The following SLC15A3 variants were observed in gnomAD, a reference collection of about 807,000 sequenced individuals.
SLC15A3 encodes the protein osteoclast transporter.
A neutral mutation model predicts 49.2 loss-of-function variants in SLC15A3; 39 were observed. That is an observed-to-expected ratio of 0.79 (90% CI 0.61 to 1.04). SLC15A3 has a LOEUF of 1.04. SLC15A3 is among the 50% of genes least tolerant of loss of function. The pLI is 0.00. For synonymous variants in SLC15A3, 339 were observed against 367.0 expected, an observed-to-expected ratio of 0.92 and a Z score of 0.87; for missense variants, 758 against 794.8, an observed-to-expected ratio of 0.95 and a Z score of 0.56.
At chr11:60,938,307 T>G (rs1353623159) in intron 6 of SLC15A3, among the ~76,000 whole-genome samples, 2 of 152,136 alleles carry the variant, frequency 1.3e-5, no homozygotes, top group Admixed American at 6.5e-5. Context: ...GTCTATCATT[T>G]CAGTGACAGC....
intron 7 of SLC15A3, 175 bp from the exon 8 acceptor site, chr11:60,937,548 G>A (rs544179958): frequency 1.2e-4 from 99 of 841,842 alleles, no homozygotes; most frequent in Non-Finnish European, 1.9e-4. Context: ...CTCCAGGGGT[G>A]TCTACAATTC....
chr11:60,941,630 A>G (rs1856709869), intron 4 of SLC15A3: 1 of 335,834 alleles, frequency 3.0e-6, no homozygotes, highest in South Asian at 5.1e-5. Context: ...AGCTCTGCAG[A>G]TCATTCATTT....
intron 5 of SLC15A3, 86 bp downstream of exon 5, chr11:60,941,036 G>C (rs1041618292): frequency 6.9e-7 from 1 of 1,456,196 alleles, no homozygotes; most frequent in Non-Finnish European, 9.2e-7. Context: ...ACTTGGTCCA[G>C]GCTACCACTT....
chr11:60,938,316 G>A (rs1856656178), intron 6 of SLC15A3, among the ~76,000 whole-genome samples: 2 of 152,160 alleles, frequency 1.3e-5, no homozygotes. Context: ...TTCAGTGACA[G>A]CACCATCTTT....
At chr11:60,939,334 T>G in intron 6 of SLC15A3, 146 bp downstream of exon 6, 2 of 912,754 alleles carry the variant, frequency 2.2e-6, no homozygotes, top group Non-Finnish European at 3.3e-6. Context: ...TAGACCCCCG[T>G]TGGGTGAATG....
chr11:60,950,306 G>A (rs1269247141), intron 1 of SLC15A3, among the ~76,000 whole-genome samples: 1 of 152,206 alleles, frequency 6.6e-6, no homozygotes, highest in African/African-American at 2.4e-5. Context: ...GTGGGACCTG[G>A]AGTCCAGCTG....
chr11:60,943,772 C>T lies in SLC15A3; in HGVS notation c.913G>A (p.Glu305Lys). The part of the protein sequence containing the change: ...RSPQPGASPQ[E>K]DIANFQVLVK... ...AGCACCTGGAAGTTGGCGATGTCCT[C>T]TTGCGGGGAAGCCCCTGGCTGGGGA... Residue 305 changes from glutamate to lysine, a missense_variant, in exon 3 of 8, where the codon GAG becomes AAG. By Grantham distance (56) the Glu-to-Lys change is moderately conservative. This residue lies in a region of SLC15A3 where 699 missense variants were observed against 706.7 expected (regional missense o/e 0.99). Transcript: ENST00000227880. 2 of 1,605,536 alleles carry T rather than the reference C, an allele frequency of 1.2e-6. No individual in the cohort carries two copies. The highest frequency in any genetic ancestry group is 1.7e-5 in the Admixed American group (1 of 59,020).
At position 60,939,462 on chromosome 11, in the gene SLC15A3, G is replaced by A. The variant is rs772989502; in HGVS notation, c.1435+18C>T. The A allele has an allele frequency of 3.7e-6, 6 of 1,612,918 alleles. No homozygotes were observed. Among genetic ancestry groups the A allele is most frequent in the South Asian group, 3.3e-5 (3 of 90,996 alleles). On this transcript the variant is annotated intron_variant, in intron 6 of 7. Transcript: ENST00000227880. ...AGCCCATCACTGGTGCAGGAGCAGG[G>A]GAGGGGATCCAGGGTACCTGGGATG...
chr11:60,941,158 C>G lies in SLC15A3; in HGVS notation c.1240G>C (p.Gly414Arg). 6.2e-7 allele frequency: 1 copy of G among 1,613,952 alleles called. No individual in the cohort carries two copies. Among genetic ancestry groups the G allele is most frequent in the Non-Finnish European group, 8.5e-7 (1 of 1,179,920 alleles). Reference sequence around the variant, plus strand: ...ACGGAGGTAAAACCAAAGAACATCCCCAGCGCCATCTTCTGCAGAGCAGAG... The same window carrying G: ...ACGGAGGTAAAACCAAAGAACATCCGCAGCGCCATCTTCTGCAGAGCAGAG... ...LPSALQKMAL[G>R]MFFGFTSVIV... The change falls in exon 5 of 8, where the codon GGG (glycine) becomes CGG (arginine). Residue 414 changes from glycine (G) to arginine (R), a missense_variant. Around this residue, in one of 3 missense-constraint regions of SLC15A3, gnomAD observed 699 missense variants for 706.7 expected, o/e 0.99. Coordinates refer to ENST00000227880, the MANE Select transcript of SLC15A3 (RefSeq NM_016582.3).
rs912918601 is a variant in SLC15A3, at chr11:60,939,634, G to A, written c.1281C>T (p.Val427=). ...TGTAGTGTAAGCGCTCCATCTCCAG[G>A]ACTCCTGGTGGAGGAGCAGAGGGGG... ...FGFTSVIVAG[V]LEMERLHYIH... Residue 427 remains valine, a synonymous_variant, in exon 6 of 8, where the codon GTC becomes GTT. Coordinates refer to ENST00000227880, the MANE Select transcript of SLC15A3 (RefSeq NM_016582.3). 24 of 1,613,924 alleles carry A rather than the reference G, an allele frequency of 1.5e-5. No individual in the cohort carries two copies. Among genetic ancestry groups the A allele is most frequent in the Non-Finnish European group, 1.9e-5 (23 of 1,179,958 alleles).
chr11:60,946,439 CCAGAATGTCTGCAA>C (rs1247954134), intron 2 of SLC15A3, 79 bp downstream of exon 2: 4 of 1,400,262 alleles, frequency 2.9e-6, no homozygotes, highest in Admixed American at 2.4e-5. Flanking sequence ...TGTAGCTGAA[CCAGAATGTCTGCAA>C]CCTGGACCAT....
chr11:60,946,507 C>A, intron 2 of SLC15A3, 25 bp downstream of exon 2: 1 of 1,529,316 alleles, frequency 6.5e-7, no homozygotes, highest in Non-Finnish European at 8.8e-7. Context: ...CTTGGAGGCT[C>A]CCTGCACCCA....
chr11:60,951,148 G>A lies in SLC15A3; in HGVS notation c.404C>T (p.Pro135Leu). 6 of 1,488,758 alleles carry A rather than the reference G, an allele frequency of 4.0e-6. No homozygotes were observed. Among genetic ancestry groups the A allele is most frequent in the Non-Finnish European group, 5.3e-6 (6 of 1,128,472 alleles). The allele number at this position is 1,488,758 out of a possible 1,614,324, so 92.2% of individuals were successfully genotyped here. ...DGRSSFCGEM[P>L]ASPLGPACPS... ...GCAGGCAGGTCCCAGCGGCGACGCG[G>A]GCATCTCTCCGCAGAAGGAGCTGCG... Residue 135 changes from proline to leucine, a missense_variant, in exon 1 of 8, where the codon CCC becomes CTC. Pro to Leu is a moderately conservative substitution (Grantham distance 98). Transcript: ENST00000227880.
Position 60,937,986 on chromosome 11 carries a change from T to C in SLC15A3, c.1475A>G (p.Gln492Arg). Residue 492 changes from glutamine to arginine, a missense_variant, in exon 7 of 8, where the codon CAG (glutamine) becomes CGG (arginine). Physicochemically the swap from Gln to Arg is conservative, Grantham distance 43. Transcript: ENST00000227880. ...FAYSEAPRSM[Q>R]GAIMGIFFCL... Reference sequence around the variant, plus strand: ...GAAGAAGATGCCCATGATGGCGCCCTGCATGGAGCGCGGGGCCTCTGAGTA... The same window carrying C: ...GAAGAAGATGCCCATGATGGCGCCCCGCATGGAGCGCGGGGCCTCTGAGTA... 1 of 1,614,068 alleles carries C rather than the reference T, an allele frequency of 6.2e-7. No individual in the cohort carries two copies. The highest frequency in any genetic ancestry group is 1.1e-5 in the South Asian group (1 of 91,068).
rs1321317071 is a variant in SLC15A3, at chr11:60,951,124, C to G, written c.428G>C (p.Cys143Ser). ...EMPASPLGPACPSAGCPRSSP... is the reference protein window; with the variant it reads ...EMPASPLGPASPSAGCPRSSP... Reference sequence around the variant, plus strand: ...GGAGCGCGGGCAGCCGGCCGAGGGGCAGGCAGGTCCCAGCGGCGACGCGGG... The same window carrying G: ...GGAGCGCGGGCAGCCGGCCGAGGGGGAGGCAGGTCCCAGCGGCGACGCGGG... The change falls in exon 1 of 8, where the codon TGC (cysteine) becomes TCC (serine). Residue 143 changes from cysteine (C) to serine (S), a missense_variant. Physicochemically the swap from Cys to Ser is moderately radical, Grantham distance 112. Transcript: ENST00000227880. 1 of 1,483,162 alleles carries G rather than the reference C, an allele frequency of 6.7e-7. No homozygotes were observed. Among genetic ancestry groups the G allele is most frequent in the Non-Finnish European group, 8.9e-7 (1 of 1,126,208 alleles). The allele number at this position is 1,483,162 out of a possible 1,614,324, so 91.9% of individuals were successfully genotyped here. A position where few individuals can be genotyped will look rare whatever the true frequency, so the allele number is the denominator to read the frequency against.
chr11:60,946,931 G>A (rs1348942826), intron 1 of SLC15A3, 110 bp from the exon 2 acceptor site: 22 of 1,193,906 alleles, frequency 1.8e-5, no homozygotes, highest in Middle Eastern at 2.9e-4. Context: ...GGTGGTGGGC[G>A]TTCCGACACT....
Position 60,937,097 on chromosome 11 carries a change from C to T in SLC15A3, c.*122G>A. On this transcript the variant is annotated 3_prime_UTR_variant, in exon 8 of 8. Transcript: ENST00000227880. ...CATGGACCATGGTCGTGAGGAAGGGCTCATGCCCCTTATTTATGGGAACCA... is the reference window on the plus strand; with the variant it reads ...CATGGACCATGGTCGTGAGGAAGGGTTCATGCCCCTTATTTATGGGAACCA... 7.0e-7 allele frequency: 1 copy of T among 1,429,494 alleles called. No individual in the cohort carries two copies. Among genetic ancestry groups the T allele is most frequent in the Non-Finnish European group, 9.4e-7 (1 of 1,069,470 alleles). The allele number at this position is 1,429,494 out of a possible 1,614,324, so 88.6% of individuals were successfully genotyped here.
chr11:60,951,187 G>T lies in SLC15A3; in HGVS notation c.365C>A (p.Ala122Asp). ...LAASGLLPAT[A>D]FPDGRSSFCG... is the part of the protein sequence containing the mutation. ...GAAGGAGCTGCGGCCGTCGGGGAAG[G>T]CGGTGGCGGGCAGCAGGCCCGAGGC... Residue 122 changes from alanine (A) to aspartate (D), a missense_variant, in exon 1 of 8, where the codon GCC becomes GAC. Ala to Asp is a moderately radical substitution (Grantham distance 126). Transcript: ENST00000227880. 1 of 1,497,288 alleles carries T rather than the reference G, an allele frequency of 6.7e-7. No individual in the cohort carries two copies. Among genetic ancestry groups the T allele is most frequent in the Admixed American group, 2.2e-5 (1 of 45,650 alleles). 92.8% of individuals were successfully genotyped at this position (1,497,288 alleles called of 1,614,324 possible). A position where few individuals can be genotyped will look rare whatever the true frequency, so the allele number is the denominator to read the frequency against.
intron 5 of SLC15A3, chr11:60,940,284 C>T (rs1483426889): frequency 6.5e-6 from 1 of 152,844 alleles, no homozygotes; most frequent in African/African-American, 2.4e-5. Flanking sequence ...CCTCTCTAGA[C>T]TCAGTTCCCT....
Sources: allele counts gnomAD v4.1 joint callset (sites outside exome capture counted in the v4.1 genomes callset), GRCh38; gene constraint gnomAD v4.1.1; regional missense constraint gnomAD v4.1.1; transcripts MANE v1.5; gene names NCBI Gene and HGNC (gene_info 2026-07-23, HGNC 2026-07-21).